PDE4D: variants seen among roughly 807,000 people sequenced by gnomAD.
The protein encoded by PDE4D is 3',5'-cyclic-AMP phosphodiesterase 4D.
A neutral mutation model predicts 87.4 loss-of-function variants in PDE4D; 24 were observed. The ratio of observed to expected loss-of-function variants is 0.27; its 90% CI spans 0.20 to 0.39. The LOEUF is 0.39. PDE4D is among the 10% of genes least tolerant of loss of function. The probability of loss-of-function intolerance (pLI) is 1.00; values close to 1 mark genes in which losing one functional copy is unlikely to be tolerated. For synonymous variants in PDE4D, 384 were observed against 383.2 expected (o/e 1.00, Z -0.02); for missense variants, 714 against 1,041.0 (o/e 0.69, Z 4.32).
At chr5:59,625,278 T>C (rs1373380116) in intron 1 of PDE4D, among the ~76,000 whole-genome samples, 1 of 152,088 alleles carries the variant, frequency 6.6e-6, no homozygotes, top group Non-Finnish European at 1.5e-5. Context: ...CTCTAGAAGG[T>C]CACAGGGGGC....
intron 1 of PDE4D, among the ~76,000 whole-genome samples, chr5:59,331,352 A>G (rs1457632725): frequency 1.3e-5 from 2 of 152,116 alleles, no homozygotes; most frequent in South Asian, 2.1e-4. Context: ...GTAGATGGCC[A>G]TCTTCTCCTC....
intron 1 of PDE4D, among the ~76,000 whole-genome samples, chr5:59,779,938 C>T (rs1764442811): frequency 6.6e-6 from 1 of 152,182 alleles, no homozygotes; most frequent in African/African-American, 2.4e-5. Context: ...TTTACACTCC[C>T]ACCAACAGTC....
At position 58,975,795 on chromosome 5, in the gene PDE4D, T is replaced by G. The variant is rs761852628; in HGVS notation, c.1875A>C (p.Thr625=). 1 of 1,610,102 alleles carries G rather than the reference T, an allele frequency of 6.2e-7. No individual in the cohort carries two copies. Among genetic ancestry groups the G allele is most frequent in the Non-Finnish European group, 8.5e-7 (1 of 1,177,970 alleles). The change falls in exon 14 of 15, where the codon ACA becomes ACC. Residue 625 remains threonine, a synonymous_variant. Transcript: ENST00000340635. This position sits in a 1 kb window ranked among gnomAD's most constrained non-coding sequence, Gnocchi z 4.2. Reference sequence around the variant, plus strand: ...ACTGGCGGTACAGCTGGAGAGGCTTTGTTGGGTTGCTCAGATCTGCACAGT... The same window carrying G: ...ACTGGCGGTACAGCTGGAGAGGCTTGGTTGGGTTGCTCAGATCTGCACAGT... ...MVHCADLSNP[T]KPLQLYRQWT...
At chr5:59,051,436 A>T in intron 5 of PDE4D, among the ~76,000 whole-genome samples, 1 of 152,228 alleles carries the variant, frequency 6.6e-6, no homozygotes, top group East Asian at 1.9e-4. Flanking sequence ...ATGTAGGAAG[A>T]ATATGTATTT....
chr5:59,160,686 T>C (rs1020678598), intron 5 of PDE4D, among the ~76,000 whole-genome samples: 1 of 152,114 alleles, frequency 6.6e-6, no homozygotes, highest in Non-Finnish European at 1.5e-5. Context: ...TGAACCACTA[T>C]CCCTAAGTGC....
intron 5 of PDE4D, among the ~76,000 whole-genome samples, chr5:59,080,809 T>C (rs898291741): frequency 6.6e-6 from 1 of 152,210 alleles, no homozygotes; most frequent in Non-Finnish European, 1.5e-5. Flanking sequence ...AATTTAATCT[T>C]ATAGACCATG....
chr5:60,264,483 C>T (rs1749981048), intron 1 of PDE4D, among the ~76,000 whole-genome samples: 1 of 152,194 alleles, frequency 6.6e-6, no homozygotes, highest in Admixed American at 6.5e-5. Context: ...TAACAGCCAT[C>T]TACATCAACA....
chr5:60,219,198 G>T lies in PDE4D; in HGVS notation c.-89-33511C>A, dbSNP rs539523609. 6.6e-5 allele frequency among the ~76,000 whole-genome samples: 10 copies of T among 152,186 alleles called. No homozygotes were observed. In the East Asian group the frequency reaches 1.9e-3, roughly 29 times the overall value. Reference sequence around the variant, plus strand: ...TTGACCTTATCAACCTAATTAGATGGTTACCCATTTCCAAAGCAAAGTTAA... The same window carrying T: ...TTGACCTTATCAACCTAATTAGATGTTTACCCATTTCCAAAGCAAAGTTAA... On this transcript the variant is annotated intron_variant, in intron 1 of 16. Coordinates refer to the PDE4D transcript ENST00000502484.
At chr5:60,504,207 A>C (rs953958707) in intron 1 of PDE4D, among the ~76,000 whole-genome samples, 2 of 151,970 alleles carry the variant, frequency 1.3e-5, no homozygotes, top group Non-Finnish European at 2.9e-5. Flanking sequence ...TATGTTTTGA[A>C]TGTATTATCA....
At chr5:59,228,212 C>G (rs1007496134) in intron 1 of PDE4D, among the ~76,000 whole-genome samples, 1 of 151,818 alleles carries the variant, frequency 6.6e-6, no homozygotes, top group African/African-American at 2.4e-5. Flanking sequence ...TGAGAACACA[C>G]AGACAGAAAG....
chr5:59,329,037 C>G (rs990193754), intron 1 of PDE4D, among the ~76,000 whole-genome samples: 1 of 152,188 alleles, frequency 6.6e-6, no homozygotes, highest in Non-Finnish European at 1.5e-5. Flanking sequence ...GGATCACCGA[C>G]TGCATCCTCC....
At chr5:59,984,130 C>A (rs1049364788) in intron 3 of PDE4D, among the ~76,000 whole-genome samples, 3 of 151,988 alleles carry the variant, frequency 2.0e-5, no homozygotes, top group Non-Finnish European at 4.4e-5. Flanking sequence ...GGCAAAATAA[C>A]CTTTAGTGAT....
chr5:59,717,114 T>G (rs551848916), intron 1 of PDE4D, among the ~76,000 whole-genome samples: 1 of 152,322 alleles, frequency 6.6e-6, no homozygotes, highest in Admixed American at 6.5e-5. Flanking sequence ...AATTCCTGAC[T>G]AGAAGAAAAT....
In PDE4D at chr5:59,056,093, C is replaced by G. The variant is rs545504188; in HGVS notation, c.809-17122G>C. Among the ~76,000 whole-genome samples, 8 of 152,258 alleles carry G rather than the reference C, an allele frequency of 5.3e-5. No homozygotes were observed. In the South Asian group the frequency reaches 8.3e-4, roughly 16 times the overall value. ...CTTCCTGGGGAGGATATCCATGCCC[C>G]GCCTCCACCTGGTAGTTCATGATCA... On this transcript the variant is annotated intron_variant, in intron 5 of 14. Coordinates refer to ENST00000340635, the MANE Select transcript of PDE4D (RefSeq NM_001104631.2).
At chr5:59,926,537 A>G (rs767223840) in intron 3 of PDE4D, among the ~76,000 whole-genome samples, 5 of 152,170 alleles carry the variant, frequency 3.3e-5, no homozygotes, top group Non-Finnish European at 5.9e-5. Flanking sequence ...ATTGAAATGA[A>G]GAAAACAATA....
At chr5:59,952,471 T>C (rs541731445) in intron 3 of PDE4D, among the ~76,000 whole-genome samples, 24 of 152,282 alleles carry the variant, frequency 1.6e-4, no homozygotes, top group Non-Finnish European at 3.1e-4. Flanking sequence ...ACTCCTCCCA[T>C]AGCATATTAT....
chr5:59,157,230 T>A (rs1049367429), intron 5 of PDE4D: 7 of 689,218 alleles, frequency 1.0e-5, no homozygotes, highest in African/African-American at 1.8e-5. Context: ...TGAAGCCTAG[T>A]AAATCACTTG....
intron 1 of PDE4D, among the ~76,000 whole-genome samples, chr5:59,665,735 T>C (rs1366832334): frequency 6.6e-6 from 1 of 152,166 alleles, no homozygotes; most frequent in Non-Finnish European, 1.5e-5. Context: ...ATTAGGTCAT[T>C]AGGCCTCCAG....
At chr5:60,166,737 C>T (rs972971310) in intron 2 of PDE4D, among the ~76,000 whole-genome samples, 2 of 152,052 alleles carry the variant, frequency 1.3e-5, no homozygotes, top group African/African-American at 4.8e-5. Flanking sequence ...TTTTTTTTAA[C>T]ACAGGTCTGG....
Sources: allele counts gnomAD v4.1 joint callset (sites outside exome capture counted in the v4.1 genomes callset), GRCh38; gene constraint gnomAD v4.1.1; non-coding constraint Gnocchi (gnomAD v3.1); transcripts MANE v1.5; gene names NCBI Gene and HGNC (gene_info 2026-07-23, HGNC 2026-07-21).